Variants in GMDS observed in about 807,000 individuals in gnomAD.
GMDS encodes GDP-mannose 4,6 dehydratase.
A neutral mutation model predicts 49.9 loss-of-function variants in GMDS; 20 were observed. The observed-to-expected ratio is 0.40, with a 90% CI of 0.28 to 0.58. GMDS has a LOEUF of 0.58. GMDS is among the 20% of genes least tolerant of loss of function. The pLI is 0.42. For synonymous variants in GMDS, 177 were observed against 178.6 expected (o/e 0.99, Z 0.07); for missense variants, 362 against 481.4 (o/e 0.75, Z 2.32).
chr6:1,642,868 G>A (rs576930276), intron 9 of GMDS, among the ~76,000 whole-genome samples: 5 of 152,262 alleles, frequency 3.3e-5, no homozygotes, highest in East Asian at 1.9e-4. Flanking sequence ...CGGGCCCCAC[G>A]AAGCCCCTTC....
chr6:2,021,575 T>G (rs1248106868), intron 4 of GMDS, among the ~76,000 whole-genome samples: 4 of 152,226 alleles, frequency 2.6e-5, no homozygotes, highest in African/African-American at 9.6e-5. Context: ...CAAAAATTAA[T>G]ATAATAAGTA....
chr6:1,697,860 AT>A (rs1490377348), intron 9 of GMDS, among the ~76,000 whole-genome samples: 5 of 152,202 alleles, frequency 3.3e-5, no homozygotes, highest in African/African-American at 1.2e-4. Flanking sequence ...TCCATTTTGG[AT>A]TGCTCAAACT....
At chr6:2,237,758 G>A (rs1199983696) in intron 1 of GMDS, among the ~76,000 whole-genome samples, 1 of 152,036 alleles carries the variant, frequency 6.6e-6, no homozygotes, top group East Asian at 1.9e-4. Flanking sequence ...CTGGCCTCAG[G>A]TGATCTACCC....
chr6:1,958,770 A>C (rs980098584), intron 6 of GMDS, among the ~76,000 whole-genome samples: 1 of 152,240 alleles, frequency 6.6e-6, no homozygotes, highest in Admixed American at 6.5e-5. Context: ...GAAACAACTT[A>C]TAACATTGGA....
intron 7 of GMDS, among the ~76,000 whole-genome samples, chr6:1,763,538 G>A (rs1768238275): frequency 6.6e-6 from 1 of 152,218 alleles, no homozygotes; most frequent in Non-Finnish European, 1.5e-5. Flanking sequence ...CATGGTCAGT[G>A]TGAGAATGAA....
chr6:1,930,077 C>T, intron 7 of GMDS, 26 bp downstream of exon 7: 1 of 1,587,838 alleles, frequency 6.3e-7, no homozygotes, highest in South Asian at 1.1e-5. Flanking sequence ...CGGGTATTTT[C>T]AAGAATGTAA....
chr6:1,735,133 G>A (rs1326586964), intron 8 of GMDS, among the ~76,000 whole-genome samples: 1 of 152,224 alleles, frequency 6.6e-6, no homozygotes, highest in Non-Finnish European at 1.5e-5. Flanking sequence ...GCCACAGTGA[G>A]TAGGTGTGCC....
chr6:1,911,156 T>C (rs1389196779), intron 7 of GMDS, among the ~76,000 whole-genome samples: 2 of 151,982 alleles, frequency 1.3e-5, no homozygotes, highest in African/African-American at 4.8e-5. Flanking sequence ...GGAACGTTTC[T>C]AAAAGTAATA....
At chr6:1,855,200 A>C (rs571286850) in intron 7 of GMDS, among the ~76,000 whole-genome samples, 2 of 152,302 alleles carry the variant, frequency 1.3e-5, no homozygotes, top group African/African-American at 4.8e-5. Flanking sequence ...TGCCTGTATG[A>C]CCTGCTCTGG....
chr6:2,215,576 G>C (rs1301147079), intron 1 of GMDS, among the ~76,000 whole-genome samples: 3 of 151,958 alleles, frequency 2.0e-5, no homozygotes, highest in South Asian at 2.1e-4. Flanking sequence ...GATTTGGGTA[G>C]AGATACAGCC....
intron 4 of GMDS, among the ~76,000 whole-genome samples, chr6:2,064,882 C>A (rs994881165): frequency 6.6e-6 from 1 of 152,100 alleles, no homozygotes; most frequent in Non-Finnish European, 1.5e-5. Context: ...ATAAAGTTCA[C>A]AATAACCCAA....
At chr6:2,101,702 G>A (rs929181274) in intron 4 of GMDS, among the ~76,000 whole-genome samples, 3 of 151,910 alleles carry the variant, frequency 2.0e-5, no homozygotes, top group Non-Finnish European at 2.9e-5. Flanking sequence ...TAAATTTAGC[G>A]CCAAAATTGA....
intron 4 of GMDS, among the ~76,000 whole-genome samples, chr6:2,097,260 C>T (rs1033336262): frequency 4.6e-5 from 7 of 152,116 alleles, no homozygotes; most frequent in African/African-American, 1.7e-4. Context: ...CAAGCCCCCA[C>T]AGAATAATGC....
In GMDS at chr6:1,874,691, C is replaced by T. The variant is rs113539574; in HGVS notation, c.771+55412G>A. ...AATATACATGTGTATATATAAAATA[C>T]GTATATATAATATACATCAGCACAA... On this transcript the variant is annotated intron_variant, in intron 7 of 10. Coordinates refer to ENST00000380815, the MANE Select transcript of GMDS (RefSeq NM_001500.4). Among the ~76,000 whole-genome samples the T allele has an allele frequency of 4.8e-4, 73 of 152,210 alleles. 1 individual carries two copies. Among genetic ancestry groups the T allele is most frequent in the African/African-American group, 1.7e-3 (69 of 41,526 alleles).
At chr6:1,842,049 A>C (rs946168658) in intron 7 of GMDS, among the ~76,000 whole-genome samples, 1 of 152,156 alleles carries the variant, frequency 6.6e-6, no homozygotes, top group African/African-American at 2.4e-5. Flanking sequence ...CTGTGACTCT[A>C]ACCATTCTCC....
intron 4 of GMDS, among the ~76,000 whole-genome samples, chr6:2,023,911 T>C (rs945796551): frequency 1.6e-4 from 24 of 152,008 alleles, no homozygotes; most frequent in Non-Finnish European, 2.2e-4. Context: ...AATATGTGAG[T>C]GAAGCAAGGA....
chr6:1,816,219 T>A (rs770013741), intron 7 of GMDS, among the ~76,000 whole-genome samples: 47 of 152,346 alleles, frequency 3.1e-4, no homozygotes, highest in African/African-American at 4.6e-4. Context: ...GCCTACTGTG[T>A]GCTTGGCAAC....
At chr6:2,004,969 T>G (rs1443888326) in intron 4 of GMDS, among the ~76,000 whole-genome samples, 2 of 152,198 alleles carry the variant, frequency 1.3e-5, no homozygotes, top group Non-Finnish European at 2.9e-5. Flanking sequence ...TCCACAGATT[T>G]AATAACCAGA....
chr6:2,109,088 A>C (rs967764118), intron 4 of GMDS, among the ~76,000 whole-genome samples: 10 of 152,222 alleles, frequency 6.6e-5, no homozygotes, highest in Non-Finnish European at 8.8e-5. Flanking sequence ...AGGCAGAAAC[A>C]GCAAAGACGG....
Sources: allele counts gnomAD v4.1 joint callset (sites outside exome capture counted in the v4.1 genomes callset), GRCh38; gene constraint gnomAD v4.1.1; transcripts MANE v1.5; gene names NCBI Gene and HGNC (gene_info 2026-07-23, HGNC 2026-07-21).